MROH7: variants seen among roughly 807,000 people sequenced by gnomAD.
MROH7 encodes maestro heat-like repeat-containing protein family member 7.
A neutral mutation model predicts 129.2 loss-of-function variants in MROH7; 113 were observed. The ratio of observed to expected loss-of-function variants is 0.87; its 90% confidence interval spans 0.75 to 1.02. The LOEUF is 1.02. Among genes scored for constraint, MROH7 ranks in the 50% least tolerant of loss-of-function variants. The pLI is 0.00. For missense variants in MROH7, 1,601 were observed against 1,671.3 expected (o/e 0.96, Z 0.73); for synonymous variants, 655 against 667.9 (o/e 0.98, Z 0.30).
At chr1:54,647,290 C>G (rs537246453) in intron 1 of MROH7, among the ~76,000 whole-genome samples, 4 of 152,208 alleles carry the variant, frequency 2.6e-5, no homozygotes, top group African/African-American at 9.6e-5. Context: ...GTCTTTAATG[C>G]ATTTTGAGTT....
chr1:54,708,090 AT>A (rs1645563554), intron 22 of MROH7, among the ~76,000 whole-genome samples: 1 of 152,206 alleles, frequency 6.6e-6, no homozygotes, highest in Non-Finnish European at 1.5e-5. Context: ...CACTTGTTAA[AT>A]TGAATATTCA....
rs3815227 is a variant in MROH7 at position 54,708,668 on chromosome 1, A to T, written c.3668-346A>T. 8.7e-4 allele frequency among the ~76,000 whole-genome samples: 132 copies of T among 152,280 alleles called. No homozygotes were observed. In the East Asian group the frequency reaches 0.024, roughly 27 times the overall value. ...TGCTCAGTGTCTTACATTACTGCTC[A>T]AACTCCCCATAGAAGTGGACAGCAG... On this transcript the variant is annotated intron_variant, in intron 22 of 23. Coordinates refer to ENST00000421030, the MANE Select transcript of MROH7 (RefSeq NM_001039464.4).
At chr1:54,696,659 CTTTTTTTTTTTTTTT>C (rs1157748080) in intron 17 of MROH7, among the ~76,000 whole-genome samples, 5 of 66,882 alleles carry the variant, frequency 7.5e-5, no homozygotes, top group African/African-American at 3.4e-4. Flanking sequence ...AATTTCCTTA[CTTTTTTTTTTTTTTT>C]TTTTTTTTTT....
In MROH7 at chr1:54,710,250, C is replaced by A; in HGVS notation, c.*63C>A. 1 of 1,561,510 alleles carries A rather than the reference C, an allele frequency of 6.4e-7. No homozygotes were observed. Among genetic ancestry groups the A allele is most frequent in the African/African-American group, 1.3e-5 (1 of 74,216 alleles). ...TTCCAGCCATGCTCCCTATAAATGT[C>A]ATGTGGCTTACCTCTCCATCTTGAT... On this transcript the variant is annotated 3_prime_UTR_variant, in exon 24 of 24. Transcript: ENST00000421030.
At chr1:54,696,351 C>T (rs556368774) in intron 17 of MROH7, among the ~76,000 whole-genome samples, 2 of 152,188 alleles carry the variant, frequency 1.3e-5, no homozygotes, top group South Asian at 2.1e-4. Flanking sequence ...CCATTTTAAC[C>T]ATTTTAGGTG....
chr1:54,698,498 C>A, intron 17 of MROH7: 1 of 153,484 alleles, frequency 6.5e-6, no homozygotes, highest in Non-Finnish European at 1.4e-5. Flanking sequence ...GTGACCTGTC[C>A]TGCCCCCTCC....
At chr1:54,652,033 T>A (rs1400674119) in intron 2 of MROH7, 50 bp downstream of exon 2, 4 of 152,194 alleles carry the variant, frequency 2.6e-5, no homozygotes, top group Non-Finnish European at 5.9e-5. Flanking sequence ...AGATTGAGGG[T>A]AGGGGTGCTG....
intron 7 of MROH7, 53 bp from the exon 8 acceptor site, chr1:54,673,038 C>A (rs1569912858): frequency 2.7e-5 from 38 of 1,389,378 alleles, no homozygotes; most frequent in Non-Finnish European, 3.9e-5. Flanking sequence ...CCGCCTGGGG[C>A]TGGTGTCCGC....
At chr1:54,686,566 A>C (rs1419999748) in intron 15 of MROH7, 118 bp downstream of exon 15, 1 of 901,266 alleles carries the variant, frequency 1.1e-6, no homozygotes, top group Non-Finnish European at 1.7e-6. Flanking sequence ...TGGGACTAGA[A>C]GAGAAAACAG....
intron 10 of MROH7, among the ~76,000 whole-genome samples, chr1:54,678,503 G>A (rs1043347103): frequency 6.6e-6 from 1 of 152,156 alleles, no homozygotes; most frequent in African/African-American, 2.4e-5. Flanking sequence ...TAAGGGTTGA[G>A]AAATTAGAAT....
At chr1:54,665,793 T>C (rs1644804811) in intron 4 of MROH7, 1 of 153,760 alleles carries the variant, frequency 6.5e-6, no homozygotes, top group Non-Finnish European at 1.4e-5. Context: ...ATGGACACAA[T>C]GTGGAGGAGG....
intron 3 of MROH7, among the ~76,000 whole-genome samples, chr1:54,659,705 G>A (rs997456327): frequency 6.6e-6 from 1 of 152,102 alleles, no homozygotes; most frequent in African/African-American, 2.4e-5. Flanking sequence ...CACCTGCCTC[G>A]GCCTCCCAAA....
intron 1 of MROH7, among the ~76,000 whole-genome samples, chr1:54,644,669 G>GT: frequency 7.4e-6 from 1 of 135,352 alleles, no homozygotes; most frequent in Admixed American, 7.5e-5. Flanking sequence ...GTTTTTTAAT[G>GT]TAAAAAAAAA....
chr1:54,699,154 CTTTCTTTT>C (rs1178427173), intron 17 of MROH7: 8 of 85,322 alleles, frequency 9.4e-5, no homozygotes, highest in South Asian at 4.5e-4. Context: ...TTCTTTCTTT[CTTTCTTTT>C]CTTTCTTTCT....
chr1:54,695,503 G>T lies in MROH7; in HGVS notation c.2964+13G>T. The T allele has an allele frequency of 6.3e-7, 1 of 1,583,754 alleles. No homozygotes were observed. The highest frequency in any genetic ancestry group is 8.7e-7 in the Non-Finnish European group (1 of 1,154,238). On this transcript the variant is annotated intron_variant, in intron 17 of 23. Transcript: ENST00000421030. ...CTTCTTCGTGGAGGTACCAACGGGG[G>T]CAGCGGGTACACAGCGGGAGCTCCT...
rs368935574 is a variant in MROH7 at position 54,670,481 on chromosome 1, G to A, written c.1390-16G>A. ...TAGCCCTGTCCTCATCGGCCCTTCT[G>A]TGGCCCCCTGTCCAGAGGCAGATCC... On this transcript the variant is annotated splice_polypyrimidine_tract_variant and intron_variant, in intron 5 of 23. Coordinates refer to ENST00000421030, the MANE Select transcript of MROH7 (RefSeq NM_001039464.4). 3.7e-6 allele frequency: 6 copies of A among 1,612,456 alleles called. No individual in the cohort carries two copies. The African/African-American group carries it at 6.7e-5, about 18-fold the overall frequency.
At chr1:54,683,628 C>T (rs1157344321) in intron 14 of MROH7, among the ~76,000 whole-genome samples, 1 of 152,216 alleles carries the variant, frequency 6.6e-6, no homozygotes, top group East Asian at 1.9e-4. Flanking sequence ...AGTGCTCCTA[C>T]CTGTGGCGAA....
intron 3 of MROH7, among the ~76,000 whole-genome samples, chr1:54,662,274 G>T (rs757134193): frequency 2.6e-5 from 4 of 151,544 alleles, no homozygotes; most frequent in Non-Finnish European, 5.9e-5. Context: ...GGTGGCTCAT[G>T]CCTGTAATCC....
chr1:54,689,905 A>C (rs1175510894), intron 15 of MROH7, among the ~76,000 whole-genome samples: 1 of 152,108 alleles, frequency 6.6e-6, no homozygotes, highest in East Asian at 1.9e-4. Flanking sequence ...ATAAGGCAGG[A>C]GGGTCGTGTG....
Sources: allele counts gnomAD v4.1 joint callset (sites outside exome capture counted in the v4.1 genomes callset), GRCh38; gene constraint gnomAD v4.1.1; transcripts MANE v1.5; gene names NCBI Gene and HGNC (gene_info 2026-07-23, HGNC 2026-07-21).